Variants in TRIM24 observed in about 807,000 individuals in gnomAD.
TRIM24 encodes tripartite motif containing 24.
TRIM24 carries 29 observed loss-of-function variants against 123.9 expected under a neutral mutation model. The observed-to-expected ratio is 0.23, with a 90% CI of 0.17 to 0.32. TRIM24 has a LOEUF of 0.32. TRIM24 is among the 10% of genes least tolerant of loss of function. The probability of loss-of-function intolerance (pLI) is 1.00; values close to 1 mark genes in which losing one functional copy is unlikely to be tolerated. For synonymous variants in TRIM24, 456 were observed against 461.1 expected, an observed-to-expected ratio of 0.99 and a Z score of 0.14; for missense variants, 932 against 1,295.3, an observed-to-expected ratio of 0.72 and a Z score of 4.31.
rs1420529553 is a variant in TRIM24 at position 138,460,425 on chromosome 7, G to T, written c.-124G>T. The T allele has an allele frequency of 3.7e-6, 4 of 1,085,400 alleles. No homozygotes were observed. Among genetic ancestry groups the T allele is most frequent in the Non-Finnish European group, 4.7e-6 (4 of 852,482 alleles). 67.2% of individuals were successfully genotyped at this position (1,085,400 alleles called of 1,614,324 possible). A position where few individuals can be genotyped will look rare whatever the true frequency, so the allele number is the denominator to read the frequency against. ...CCGCCCGGTTTGCTTTCCCTCCCTC[G>T]CTGGCGCTGCCGCGAGTCCACCGAG... is the stretch of plus-strand genomic sequence containing the variant. On this transcript the variant is annotated 5_prime_UTR_variant, in exon 1 of 19. Coordinates refer to ENST00000343526, the MANE Select transcript of TRIM24 (RefSeq NM_015905.3).
At chr7:138,566,161 G>C (rs1797531012) in intron 9 of TRIM24, among the ~76,000 whole-genome samples, 3 of 152,216 alleles carry the variant, frequency 2.0e-5, no homozygotes, top group South Asian at 4.2e-4. Context: ...CCTCATTTGT[G>C]ATTCCTTCAC....
chr7:138,534,688 C>G (rs922411408), intron 6 of TRIM24, among the ~76,000 whole-genome samples: 1 of 152,174 alleles, frequency 6.6e-6, no homozygotes, highest in African/African-American at 2.4e-5. Context: ...AATGTATATT[C>G]TGTTGATTTG....
At chr7:138,488,684 C>T (rs1795706240) in intron 1 of TRIM24, among the ~76,000 whole-genome samples, 1 of 152,140 alleles carries the variant, frequency 6.6e-6, no homozygotes, top group Non-Finnish European at 1.5e-5. Flanking sequence ...GTCCTGAGTT[C>T]TAATTTGATT....
At chr7:138,538,938 GT>G in intron 7 of TRIM24, 135 bp downstream of exon 7, 1 of 808,056 alleles carries the variant, frequency 1.2e-6, no homozygotes. Flanking sequence ...AAATATTTTG[GT>G]TTTAATATTT....
chr7:138,473,083 C>T (rs1795309090), intron 1 of TRIM24, among the ~76,000 whole-genome samples: 1 of 152,100 alleles, frequency 6.6e-6, no homozygotes, highest in South Asian at 2.1e-4. Flanking sequence ...AGTTCGAGAC[C>T]AGTCTGGCCA....
intron 9 of TRIM24, among the ~76,000 whole-genome samples, chr7:138,566,595 G>T (rs921596581): frequency 6.6e-6 from 1 of 152,078 alleles, no homozygotes; most frequent in Non-Finnish European, 1.5e-5. Context: ...CTAAGCACCC[G>T]AACATGTTTT....
chr7:138,472,733 G>A (rs547029209), intron 1 of TRIM24, among the ~76,000 whole-genome samples: 4 of 152,146 alleles, frequency 2.6e-5, no homozygotes, highest in Non-Finnish European at 5.9e-5. Context: ...CATGAGCTGC[G>A]AACTATTAGG....
At chr7:138,543,381 T>C (rs1797041276) in intron 7 of TRIM24, among the ~76,000 whole-genome samples, 1 of 152,216 alleles carries the variant, frequency 6.6e-6, no homozygotes, top group Non-Finnish European at 1.5e-5. Flanking sequence ...AATTTGCCTG[T>C]AATGCATGCA....
intron 2 of TRIM24, among the ~76,000 whole-genome samples, chr7:138,509,948 T>C (rs757484382): frequency 6.6e-6 from 1 of 152,146 alleles, no homozygotes; most frequent in African/African-American, 2.4e-5. Flanking sequence ...TCTGGGTGTT[T>C]GGCTTGGGAC....
At chr7:138,482,601 G>A (rs534798855) in intron 1 of TRIM24, among the ~76,000 whole-genome samples, 4 of 152,196 alleles carry the variant, frequency 2.6e-5, no homozygotes, top group Middle Eastern at 6.8e-3. Flanking sequence ...TTTCTTTACC[G>A]ACTCGTTAAG....
intron 17 of TRIM24, among the ~76,000 whole-genome samples, chr7:138,582,055 T>G (rs1285055016): frequency 6.6e-6 from 1 of 152,004 alleles, no homozygotes; most frequent in Non-Finnish European, 1.5e-5. Flanking sequence ...ATTTCAGGAG[T>G]TTTAGGCATG....
At chr7:138,489,989 G>T (rs181329728) in intron 1 of TRIM24, among the ~76,000 whole-genome samples, 1 of 152,148 alleles carries the variant, frequency 6.6e-6, no homozygotes, top group East Asian at 1.9e-4. Context: ...CAGGTATACC[G>T]ATCAGACGTA....
chr7:138,529,211 C>G lies in TRIM24; in HGVS notation c.977C>G (p.Ala326Gly). 6.4e-7 allele frequency: 1 copy of G among 1,555,606 alleles called. No individual in the cohort carries two copies. Among genetic ancestry groups the G allele is most frequent in the South Asian group, 1.2e-5 (1 of 81,986 alleles). The change falls in exon 6 of 19, where the codon GCT (alanine) becomes GGT (glycine). Residue 326 changes from alanine to glycine, a missense_variant. Physicochemically the swap from Ala to Gly is moderately conservative, Grantham distance 60. Transcript: ENST00000343526. ...LMVEINKKGK[A>G]LLHQLESLAK... ...GTAGAAATAAATAAAAAAGGAAAAG[C>G]TCTACTGCATCAGTTAGAGGTAAGT... is the stretch of plus-strand genomic sequence containing the variant.
chr7:138,466,462 G>GATTTTTTTT (rs1563020272), intron 1 of TRIM24, among the ~76,000 whole-genome samples: 1 of 32,666 alleles, frequency 3.1e-5, no homozygotes, highest in African/African-American at 1.3e-4. Context: ...AACTTAAGTT[G>GATTTTTTTT]CTTTTTTTTT....
intron 2 of TRIM24, among the ~76,000 whole-genome samples, chr7:138,504,792 G>A (rs1198512440): frequency 7.1e-6 from 1 of 141,804 alleles, no homozygotes; most frequent in Non-Finnish European, 1.5e-5. Flanking sequence ...ATGGAGTCTT[G>A]CGTTGTTGCC....
chr7:138,472,712 G>T (rs1165329843), intron 1 of TRIM24, among the ~76,000 whole-genome samples: 1 of 152,158 alleles, frequency 6.6e-6, no homozygotes, highest in Non-Finnish European at 1.5e-5. Flanking sequence ...TTAGGGCAGT[G>T]CTACTCAAGG....
rs778276167 is a variant in TRIM24 at position 138,585,956 on chromosome 7, T to C, written c.*1005T>C. 2.0e-6 allele frequency: 1 copy of C among 509,222 alleles called. No homozygotes were observed. Among genetic ancestry groups the C allele is most frequent in the Non-Finnish European group, 4.0e-6 (1 of 252,786 alleles). 31.5% of individuals were successfully genotyped at this position (509,222 alleles called of 1,614,324 possible). A position where few individuals can be genotyped will look rare whatever the true frequency, so the allele number is the denominator to read the frequency against. On this transcript the variant is annotated 3_prime_UTR_variant, in exon 19 of 19. Coordinates refer to ENST00000343526, the MANE Select transcript of TRIM24 (RefSeq NM_015905.3). ...GTCTATAATTTGGAATGAAAATGTG[T>C]TGTAGGATTTTGGGAGCAGGCAGCT...
intron 15 of TRIM24, among the ~76,000 whole-genome samples, chr7:138,579,819 A>G (rs538306477): frequency 6.6e-6 from 1 of 152,274 alleles, no homozygotes; most frequent in South Asian, 2.1e-4. Context: ...GCTACTCAGG[A>G]GGCTGAGGTG....
rs1198037941 is a variant in TRIM24, at chr7:138,460,471, C to CAGG, written c.-65_-63dup. 6 of 1,241,862 alleles carry CAGG rather than the reference C, an allele frequency of 4.8e-6. No homozygotes were observed. Among genetic ancestry groups the CAGG allele is most frequent in the East Asian group, 6.3e-5 (2 of 31,592 alleles). The allele number at this position is 1,241,862 out of a possible 1,614,324, so 76.9% of individuals were successfully genotyped here. A position where few individuals can be genotyped will look rare whatever the true frequency, so the allele number is the denominator to read the frequency against. On this transcript the variant is annotated 5_prime_UTR_variant, in exon 1 of 19. Transcript: ENST00000343526. ...CCGAGCGGCCTCTGAGGAGCAGCCG[C>CAGG]AGGAGGAGGAGGAGGTCGTCGGGGG...
Sources: allele counts gnomAD v4.1 joint callset (sites outside exome capture counted in the v4.1 genomes callset), GRCh38; gene constraint gnomAD v4.1.1; transcripts MANE v1.5; gene names NCBI Gene and HGNC (gene_info 2026-07-23, HGNC 2026-07-21).